Variants in TDRD12 observed in about 807,000 individuals in gnomAD.
The protein encoded by TDRD12 is tudor domain containing 12.
Under a neutral mutation model 133.5 loss-of-function variants are expected in TDRD12, and 158 were observed. That is an observed-to-expected ratio of 1.18 (90% CI 1.04 to 1.35). TDRD12 has a LOEUF of 1.35. Among genes scored for constraint, TDRD12 ranks in the 40% most tolerant of loss-of-function variants. The pLI is 0.00. For missense variants in TDRD12, 1,443 were observed against 1,321.3 expected (o/e 1.09, Z -1.43); for synonymous variants, 460 against 477.9 (o/e 0.96, Z 0.49).
At chr19:32,752,048 A>G (rs1232066751) in intron 6 of TDRD12, among the ~76,000 whole-genome samples, 2 of 151,540 alleles carry the variant, frequency 1.3e-5, no homozygotes, top group African/African-American at 4.9e-5. Flanking sequence ...TAATTTTTAT[A>G]TGTTAAGTAG....
intron 13 of TDRD12, among the ~76,000 whole-genome samples, chr19:32,793,185 C>CAATAATAATAATAATAATAAT (rs36078920): frequency 6.7e-6 from 1 of 149,236 alleles, no homozygotes; most frequent in African/African-American, 2.5e-5. Flanking sequence ...ACTCTGTCTA[C>CAATAATAATAATAATAATAAT]AATAATAATA....
intron 18 of TDRD12, 56 bp downstream of exon 18, chr19:32,800,828 A>G (rs1342192243): frequency 6.9e-7 from 1 of 1,452,988 alleles, no homozygotes; most frequent in East Asian, 2.6e-5. Context: ...TCGAATCTCA[A>G]GTCATCACAA....
intron 1 of TDRD12, 143 bp from the exon 2 acceptor site, chr19:32,731,582 G>A (rs1282929050): frequency 1.6e-5 from 11 of 688,930 alleles, no homozygotes; most frequent in East Asian, 1.1e-4. Flanking sequence ...TTTTATCTTC[G>A]GTCTAACCAT....
rs36078920 is a variant in TDRD12, at chr19:32,793,185, C to CAATAATAATAATAAT, written c.1288-1430_1288-1416dup. ...TGGGCACAGAACGAGACTCTGTCTA[C>CAATAATAATAATAAT]AATAATAATAATAATAATAATAATA... On this transcript the variant is annotated intron_variant, in intron 13 of 27. Transcript: ENST00000444215. Among the ~76,000 whole-genome samples, 380 of 149,334 alleles carry CAATAATAATAATAAT rather than the reference C, an allele frequency of 2.5e-3. 4 individuals are homozygous for CAATAATAATAATAAT. The highest frequency in any genetic ancestry group is 9.1e-3 in the African/African-American group (368 of 40,430).
At chr19:32,826,336 T>C in exon 8 of TDRD12, 1 of 1,349,598 alleles carries the variant, frequency 7.4e-7, no homozygotes, top group Non-Finnish European at 9.5e-7. Context: ...TGTCAGTATT[T>C]AAGGGATAGA....
At chr19:32,734,434 T>C (rs1274756276) in intron 2 of TDRD12, among the ~76,000 whole-genome samples, 1 of 151,428 alleles carries the variant, frequency 6.6e-6, no homozygotes, top group African/African-American at 2.4e-5. Context: ...GCAGTGACTC[T>C]ATCTCGGCTC....
At chr19:32,804,319 G>T (rs185827656) in intron 21 of TDRD12, among the ~76,000 whole-genome samples, 1 of 151,108 alleles carries the variant, frequency 6.6e-6, no homozygotes, top group Admixed American at 6.6e-5. Flanking sequence ...TGATCTGCCC[G>T]CCTCGGCCTC....
intron 2 of TDRD12, among the ~76,000 whole-genome samples, chr19:32,732,299 C>T (rs1451780270): frequency 1.3e-5 from 2 of 152,156 alleles, no homozygotes; most frequent in African/African-American, 2.4e-5. Context: ...GCCACTGTGC[C>T]CAGCCAGTGT....
chr19:32,727,062 A>T (rs1366804542), intron 1 of TDRD12, among the ~76,000 whole-genome samples: 2 of 152,204 alleles, frequency 1.3e-5, no homozygotes, highest in Non-Finnish European at 2.9e-5. Context: ...AACAGTGCAC[A>T]ATGATTCCAG....
chr19:32,780,481 G>A (rs986485347), intron 11 of TDRD12, among the ~76,000 whole-genome samples: 41 of 152,332 alleles, frequency 2.7e-4, no homozygotes, highest in African/African-American at 9.1e-4. Context: ...CACACAAACT[G>A]CTGAGTCCAG....
chr19:32,766,457 T>C (rs1365575875), intron 8 of TDRD12, among the ~76,000 whole-genome samples: 1 of 152,218 alleles, frequency 6.6e-6, no homozygotes, highest in Non-Finnish European at 1.5e-5. Flanking sequence ...CTTTCTGATA[T>C]AATGTAATGT....
At chr19:32,724,964 C>G (rs1295604852) in intron 1 of TDRD12, among the ~76,000 whole-genome samples, 1 of 152,150 alleles carries the variant, frequency 6.6e-6, no homozygotes, top group Non-Finnish European at 1.5e-5. Flanking sequence ...CTCTAATGAT[C>G]AGTGATGTTG....
exon 4 of TDRD12, chr19:32,742,818 T>C: frequency 6.4e-7 from 1 of 1,551,976 alleles, no homozygotes; most frequent in Non-Finnish European, 8.7e-7. Flanking sequence ...GCAGCTTCCC[T>C]ATAGAGCAAA....
At chr19:32,732,622 C>T (rs184132571) in intron 2 of TDRD12, among the ~76,000 whole-genome samples, 26 of 152,328 alleles carry the variant, frequency 1.7e-4, no homozygotes, top group African/African-American at 6.3e-4. Context: ...TCAGCTCTCA[C>T]TGCCCCTTGT....
intron 11 of TDRD12, among the ~76,000 whole-genome samples, chr19:32,786,643 ATCTTG>A (rs768153728): frequency 2.0e-5 from 3 of 151,864 alleles, no homozygotes; most frequent in Non-Finnish European, 4.4e-5. Flanking sequence ...TTTTTCTCTA[ATCTTG>A]TCTTATCACT....
exon 25 of TDRD12, chr19:32,813,704 T>G: frequency 6.5e-7 from 1 of 1,533,764 alleles, no homozygotes; most frequent in Non-Finnish European, 8.7e-7. Flanking sequence ...ACATTCATCA[T>G]AAAATTGTTG....
At chr19:32,721,395 A>AT (rs71336954) in intron 1 of TDRD12, among the ~76,000 whole-genome samples, 26,785 of 151,862 alleles carry the variant, frequency 0.18, 2,479 homozygotes, top group African/African-American at 0.21. Flanking sequence ...TTATTCATTT[A>AT]TTTTTTTGAG....
chr19:32,762,479 A>C (rs1269165442), intron 8 of TDRD12, among the ~76,000 whole-genome samples: 2 of 152,192 alleles, frequency 1.3e-5, no homozygotes, highest in Non-Finnish European at 2.9e-5. Context: ...TTGTTTTGAA[A>C]GGAAGCTCAT....
At chr19:32,818,692 G>A (rs890309155) in intron 27 of TDRD12, among the ~76,000 whole-genome samples, 5 of 152,172 alleles carry the variant, frequency 3.3e-5, no homozygotes, top group South Asian at 2.1e-4. Flanking sequence ...GGAGGGGTCC[G>A]GGGGTGAGCC....
Sources: allele counts gnomAD v4.1 joint callset (sites outside exome capture counted in the v4.1 genomes callset), GRCh38; gene constraint gnomAD v4.1.1; transcripts MANE v1.5; gene names NCBI Gene and HGNC (gene_info 2026-07-23, HGNC 2026-07-21).